Variants in COL25A1 observed in about 807,000 individuals in gnomAD.
COL25A1 encodes collagen alpha-1(XXV) chain.
In COL25A1, 103 loss-of-function variants were observed where a neutral mutation model predicts 128.4. The observed-to-expected ratio is 0.80, with a 90% CI of 0.68 to 0.94. The LOEUF is 0.94. Ranked by LOEUF, COL25A1 falls within the 40% of genes least tolerant of loss-of-function variation. The pLI is 0.00. For missense variants in COL25A1, 745 were observed against 840.0 expected (o/e 0.89, Z 1.40); for synonymous variants, 279 against 277.2 (o/e 1.01, Z -0.06).
chr4:109,076,040 G>A (rs187522330), intron 3 of COL25A1, among the ~76,000 whole-genome samples: 107 of 152,150 alleles, frequency 7.0e-4, no homozygotes, highest in African/African-American at 2.6e-3. Context: ...TATTTACATA[G>A]CACTTATGTT....
intron 5 of COL25A1, among the ~76,000 whole-genome samples, chr4:109,025,897 C>T (rs1037752728): frequency 2.6e-5 from 4 of 152,044 alleles, no homozygotes; most frequent in Admixed American, 2.6e-4. Context: ...AGTCAAACAG[C>T]TTCTAAAAGG....
At chr4:109,002,759 A>G (rs921604110) in intron 6 of COL25A1, among the ~76,000 whole-genome samples, 3 of 150,030 alleles carry the variant, frequency 2.0e-5, no homozygotes, top group Non-Finnish European at 4.4e-5. Flanking sequence ...ATAAAAATAT[A>G]GATACATTTT....
intron 3 of COL25A1, among the ~76,000 whole-genome samples, chr4:109,275,157 T>C (rs1303696125): frequency 6.6e-6 from 1 of 152,172 alleles, no homozygotes; most frequent in Non-Finnish European, 1.5e-5. Context: ...GTCCCCCCGC[T>C]GGGTCTACAA....
intron 3 of COL25A1, among the ~76,000 whole-genome samples, chr4:109,182,330 GT>G (rs1774734348): frequency 6.6e-6 from 1 of 151,912 alleles, no homozygotes; most frequent in East Asian, 1.9e-4. Flanking sequence ...CACCAACTCC[GT>G]ACCATTTTCA....
intron 3 of COL25A1, among the ~76,000 whole-genome samples, chr4:109,127,765 C>T (rs3108960): frequency 9.3e-4 from 141 of 152,216 alleles, no homozygotes; most frequent in African/African-American, 3.2e-3. Context: ...ATTTCCTTGG[C>T]GTGAGACAAC....
At chr4:108,903,137 C>T (rs968243014) in intron 13 of COL25A1, among the ~76,000 whole-genome samples, 2 of 151,878 alleles carry the variant, frequency 1.3e-5, no homozygotes, top group Non-Finnish European at 2.9e-5. Flanking sequence ...AGAAATGTTG[C>T]TTAGGTATCT....
intron 6 of COL25A1, among the ~76,000 whole-genome samples, chr4:108,984,536 C>A (rs908298783): frequency 1.3e-5 from 2 of 152,184 alleles, no homozygotes; most frequent in African/African-American, 4.8e-5. Context: ...CGAGCCCTGC[C>A]CCGCGGGAAG....
At chr4:109,298,151 A>G (rs1725170830) in intron 3 of COL25A1, among the ~76,000 whole-genome samples, 1 of 152,060 alleles carries the variant, frequency 6.6e-6, no homozygotes, top group Non-Finnish European at 1.5e-5. Flanking sequence ...TACTTCAGTC[A>G]GGGTCATTGT....
At chr4:109,130,555 G>A (rs962935169) in intron 3 of COL25A1, among the ~76,000 whole-genome samples, 2 of 150,094 alleles carry the variant, frequency 1.3e-5, no homozygotes, top group Non-Finnish European at 3.0e-5. Flanking sequence ...GTAAAAAGGG[G>A]AAGGAGTGAA....
At chr4:108,917,372 G>T (rs1744998610) in intron 13 of COL25A1, among the ~76,000 whole-genome samples, 1 of 152,148 alleles carries the variant, frequency 6.6e-6, no homozygotes. Context: ...ATGGGTCGCA[G>T]AGTATAAAAG....
chr4:109,018,737 C>T lies in COL25A1; in HGVS notation c.421-8362G>A, dbSNP rs192413711. ...AAACAATTGCTGAACTGCTGAAAGG[C>T]GAGACTCTTTTGACTAGCCCAAAGA... On this transcript the variant is annotated intron_variant, in intron 5 of 37. Transcript: ENST00000399132. 1.1e-3 allele frequency among the ~76,000 whole-genome samples: 161 copies of T among 152,216 alleles called. 3 individuals carry two copies. The highest frequency in any genetic ancestry group is 9.6e-4 in the Non-Finnish European group (65 of 68,022).
chr4:108,896,959 C>T (rs945987202), intron 15 of COL25A1, among the ~76,000 whole-genome samples: 2 of 152,172 alleles, frequency 1.3e-5, no homozygotes, highest in African/African-American at 4.8e-5. Flanking sequence ...ATCTGTCTTC[C>T]AATGCCTTAT....
At chr4:108,951,385 T>C (rs368216344) in intron 8 of COL25A1, among the ~76,000 whole-genome samples, 4 of 151,922 alleles carry the variant, frequency 2.6e-5, no homozygotes, top group African/African-American at 9.6e-5. Flanking sequence ...AGAAACTTTT[T>C]TTTTCTTTTT....
At chr4:109,039,509 A>G (rs1445853085) in intron 5 of COL25A1, among the ~76,000 whole-genome samples, 2 of 152,154 alleles carry the variant, frequency 1.3e-5, no homozygotes, top group African/African-American at 4.8e-5. Context: ...CAAGTCCTTC[A>G]CTGATCTCAG....
At chr4:109,229,787 G>C (rs1212089148) in intron 3 of COL25A1, among the ~76,000 whole-genome samples, 1 of 152,208 alleles carries the variant, frequency 6.6e-6, no homozygotes, top group African/African-American at 2.4e-5. Flanking sequence ...TGCAAGTGCT[G>C]TGAATATTGA....
rs147845856 is a variant in COL25A1, at chr4:109,012,888, G to T, written c.421-2513C>A. 2.5e-4 allele frequency among the ~76,000 whole-genome samples: 38 copies of T among 152,356 alleles called. No individual in the cohort carries two copies. In the East Asian group the frequency reaches 7.3e-3, roughly 29 times the overall value. On this transcript the variant is annotated intron_variant, in intron 5 of 37. Coordinates refer to ENST00000399132, the MANE Select transcript of COL25A1 (RefSeq NM_198721.4). ...TGGCATGGAAATGGAGGGCAGCTCC[G>T]CCAGCAGCCCTGGTGCGATCCACTA... is the stretch of plus-strand genomic sequence containing the variant.
intron 31 of COL25A1, among the ~76,000 whole-genome samples, chr4:108,836,194 A>G (rs1389789227): frequency 6.6e-6 from 1 of 152,044 alleles, no homozygotes; most frequent in African/African-American, 2.4e-5. Flanking sequence ...TGTTAGCAAT[A>G]ATTACAATAA....
chr4:109,147,928 A>G (rs1343151907), intron 3 of COL25A1, among the ~76,000 whole-genome samples: 2 of 152,180 alleles, frequency 1.3e-5, no homozygotes, highest in East Asian at 1.9e-4. Flanking sequence ...GAGAGAATAA[A>G]TTGTTTTTAC....
At chr4:109,132,353 A>C (rs766589009) in intron 3 of COL25A1, among the ~76,000 whole-genome samples, 17 of 152,192 alleles carry the variant, frequency 1.1e-4, no homozygotes, top group Non-Finnish European at 2.4e-4. Context: ...GCTGCTTCCC[A>C]TACGCTTTCT....
Sources: allele counts gnomAD v4.1 joint callset (sites outside exome capture counted in the v4.1 genomes callset), GRCh38; gene constraint gnomAD v4.1.1; transcripts MANE v1.5; gene names NCBI Gene and HGNC (gene_info 2026-07-23, HGNC 2026-07-21).